ASZ1: variants seen among roughly 807,000 people sequenced by gnomAD.
The protein encoded by ASZ1 is ankyrin repeat, SAM and basic leucine zipper domain containing 1, also known as ankyrin repeat, SAM and basic leucine zipper domain-containing protein 1.
Under a neutral mutation model 61.8 loss-of-function variants are expected in ASZ1, and 67 were observed. The ratio of observed to expected loss-of-function variants is 1.08; its 90% CI spans 0.89 to 1.33. ASZ1 has a LOEUF of 1.33. ASZ1 is among the 40% of genes most tolerant of loss of function. ASZ1 has a pLI of 0.00. For missense variants in ASZ1, 577 were observed against 554.5 expected, an observed-to-expected ratio of 1.04 and a Z score of -0.41; for synonymous variants, 193 against 192.7, an observed-to-expected ratio of 1.00 and a Z score of -0.01.
At chr7:117,419,823 G>A (rs1378015988) in intron 4 of ASZ1, among the ~76,000 whole-genome samples, 2 of 152,108 alleles carry the variant, frequency 1.3e-5, no homozygotes, top group African/African-American at 2.4e-5. Flanking sequence ...GTTGTTAAAT[G>A]TTATACAGAG....
intron 10 of ASZ1, among the ~76,000 whole-genome samples, chr7:117,372,949 T>C (rs1342394775): frequency 6.6e-6 from 1 of 152,184 alleles, no homozygotes; most frequent in Non-Finnish European, 1.5e-5. Context: ...AATTTAATCA[T>C]TTTCCTGATG....
chr7:117,380,183 T>TA (rs1481148200), intron 9 of ASZ1, 136 bp from the exon 10 acceptor site: 2 of 600,992 alleles, frequency 3.3e-6, no homozygotes, highest in Non-Finnish European at 5.8e-6. Flanking sequence ...AACACACTTC[T>TA]AAAAAATATG....
chr7:117,391,035 G>A (rs916492868), intron 4 of ASZ1, among the ~76,000 whole-genome samples: 1 of 152,040 alleles, frequency 6.6e-6, no homozygotes, highest in Non-Finnish European at 1.5e-5. Context: ...TGAAGGGTGT[G>A]AGATGGTACC....
intron 4 of ASZ1, among the ~76,000 whole-genome samples, chr7:117,389,507 T>C (rs1796422091): frequency 6.6e-6 from 1 of 152,202 alleles, no homozygotes; most frequent in African/African-American, 2.4e-5. Flanking sequence ...TCTAATTATG[T>C]GCTTGCTTAG....
chr7:117,419,049 C>A (rs1343162934), intron 4 of ASZ1, among the ~76,000 whole-genome samples: 1 of 152,058 alleles, frequency 6.6e-6, no homozygotes, highest in African/African-American at 2.4e-5. Context: ...TACATCTTGG[C>A]CCTTCTCACA....
At chr7:117,410,168 T>A (rs1048065612) in intron 4 of ASZ1, among the ~76,000 whole-genome samples, 1 of 151,820 alleles carries the variant, frequency 6.6e-6, no homozygotes, top group Non-Finnish European at 1.5e-5. Context: ...GCCATTTTTT[T>A]AGAAACTTGT....
rs1584745416 is a variant in ASZ1 at position 117,422,464 on chromosome 7, T to C, written c.206-105A>G. ...GTGTAAAGTGACGTACATCATGTAC[T>C]TTATTCCACCATGGGAAGTTTTTAA... On this transcript the variant is annotated intron_variant, in intron 2 of 12. Transcript: ENST00000284629. 8 of 1,267,578 alleles carry C rather than the reference T, an allele frequency of 6.3e-6. No individual in the cohort carries two copies. In the East Asian group the frequency reaches 2.1e-4, roughly 33 times the overall value. 78.5% of individuals were successfully genotyped at this position (1,267,578 alleles called of 1,614,324 possible).
At chr7:117,371,806 A>G (rs1238943278) in intron 10 of ASZ1, among the ~76,000 whole-genome samples, 2 of 152,208 alleles carry the variant, frequency 1.3e-5, no homozygotes, top group Non-Finnish European at 2.9e-5. Flanking sequence ...ATTGAGAATT[A>G]TCATTGGAAG....
At chr7:117,420,019 A>G in intron 4 of ASZ1, 144 bp downstream of exon 4, 1 of 548,254 alleles carries the variant, frequency 1.8e-6, no homozygotes, top group Non-Finnish European at 3.2e-6. Context: ...TGATAATCTT[A>G]TAGAATTGGA....
intron 4 of ASZ1, among the ~76,000 whole-genome samples, chr7:117,403,837 G>A (rs1796725858): frequency 1.3e-5 from 2 of 152,152 alleles, no homozygotes; most frequent in Non-Finnish European, 2.9e-5. Context: ...AGTGGCAGGT[G>A]AGCGAGCATT....
chr7:117,418,429 C>A (rs1463664474), intron 4 of ASZ1, among the ~76,000 whole-genome samples: 1 of 151,948 alleles, frequency 6.6e-6, no homozygotes, highest in Admixed American at 6.6e-5. Context: ...CCAAAGTGGG[C>A]GGATCATGAG....
chr7:117,392,452 T>A (rs1295258373), intron 4 of ASZ1, among the ~76,000 whole-genome samples: 1 of 152,174 alleles, frequency 6.6e-6, no homozygotes, highest in East Asian at 1.9e-4. Flanking sequence ...TTTTTGCAGT[T>A]CTTGTAAATG....
Position 117,363,416 on chromosome 7 carries a change from T to G in ASZ1, c.*180A>C. 2.4e-6 allele frequency: 1 copy of G among 425,482 alleles called. No homozygotes were observed. The allele number at this position is 425,482 out of a possible 1,614,324, so 26.4% of individuals were successfully genotyped here. A position where few individuals can be genotyped will look rare whatever the true frequency, so the allele number is the denominator to read the frequency against. On this transcript the variant is annotated 3_prime_UTR_variant, in exon 13 of 13. Transcript: ENST00000284629. ...TCACAATTAACATAAACATAACAAA[T>G]TGTATTTATAAGTCAAAGTAACAAA...
chr7:117,395,906 C>G (rs1408465354), intron 4 of ASZ1, among the ~76,000 whole-genome samples: 1 of 152,060 alleles, frequency 6.6e-6, no homozygotes, highest in African/African-American at 2.4e-5. Context: ...TTGTTACAAC[C>G]ACTCAACTCT....
chr7:117,407,393 T>C (rs1007261168), intron 4 of ASZ1, among the ~76,000 whole-genome samples: 2 of 150,998 alleles, frequency 1.3e-5, no homozygotes, highest in Admixed American at 1.3e-4. Context: ...TCTCAGTAAC[T>C]GATAGAACAC....
chr7:117,379,551 A>T (rs1352875624), intron 10 of ASZ1, among the ~76,000 whole-genome samples: 2 of 151,822 alleles, frequency 1.3e-5, no homozygotes, highest in African/African-American at 4.8e-5. Flanking sequence ...ACTGAGCTAC[A>T]TGAGACATGT....
chr7:117,365,039 ACT>A (rs1416020538), intron 12 of ASZ1, among the ~76,000 whole-genome samples: 1 of 152,056 alleles, frequency 6.6e-6, no homozygotes, highest in East Asian at 1.9e-4. Flanking sequence ...TTATTGGTAA[ACT>A]CTGAAATAAT....
chr7:117,392,334 T>A (rs1796486755), intron 4 of ASZ1, among the ~76,000 whole-genome samples: 3 of 152,146 alleles, frequency 2.0e-5, no homozygotes, highest in African/African-American at 7.2e-5. Flanking sequence ...AGATGTATTC[T>A]AAAAAAGGAA....
intron 4 of ASZ1, among the ~76,000 whole-genome samples, chr7:117,387,211 G>A (rs937090601): frequency 6.6e-6 from 1 of 151,286 alleles, no homozygotes; most frequent in Non-Finnish European, 1.5e-5. Context: ...CTACTTCAGA[G>A]GTGGGAGAAT....
Sources: gnomAD v4.1 joint callset for allele counts (sites outside exome capture counted in the v4.1 genomes callset) on GRCh38, gnomAD v4.1.1 for gene constraint, MANE v1.5 for transcripts, NCBI Gene and HGNC (gene_info 2026-07-23, HGNC 2026-07-21) for gene names.